Variants in ALPL observed in about 807,000 individuals in gnomAD.
ALPL encodes the protein alkaline phosphatase, tissue-nonspecific isozyme.
A neutral mutation model predicts 51.3 loss-of-function variants in ALPL; 42 were observed. That is an observed-to-expected ratio of 0.82 (90% CI 0.64 to 1.06). The LOEUF (loss-of-function observed/expected upper bound fraction) is 1.06. ALPL is among the 50% of genes least tolerant of loss of function. The pLI is 0.00. For synonymous variants in ALPL, 279 were observed against 296.4 expected, an observed-to-expected ratio of 0.94 and a Z score of 0.60; for missense variants, 589 against 709.4, an observed-to-expected ratio of 0.83 and a Z score of 1.93.
At chr1:21,576,042 G>A in intron 10 of ALPL, 118 bp downstream of exon 10, 1 of 1,262,760 alleles carries the variant, frequency 7.9e-7, no homozygotes, top group Non-Finnish European at 1.2e-6. Flanking sequence ...ATGACAACTG[G>A]GTGGGGAGGA....
intron 9 of ALPL, among the ~76,000 whole-genome samples, chr1:21,575,176 A>G (rs1415063178): frequency 6.6e-6 from 1 of 152,150 alleles, no homozygotes; most frequent in East Asian, 1.9e-4. Flanking sequence ...GGATGATTTG[A>G]GGTAGAGATG....
chr1:21,510,748 C>G (rs142780554), intron 1 of ALPL, among the ~76,000 whole-genome samples: 2 of 152,348 alleles, frequency 1.3e-5, no homozygotes, highest in African/African-American at 4.8e-5. Flanking sequence ...CCCGCTCTTC[C>G]TCCACTCTCC....
In ALPL at chr1:21,560,617, T is replaced by C. The variant is rs1178490330; in HGVS notation, c.62-9T>C. Reference sequence around the variant, plus strand: ...ACCCCGCCAAGTAACTGCCTCTCTCTGTGTTTAGAGAAAGAGAAAGACCCC... The same window carrying C: ...ACCCCGCCAAGTAACTGCCTCTCTCCGTGTTTAGAGAAAGAGAAAGACCCC... On this transcript the variant is annotated splice_polypyrimidine_tract_variant and intron_variant, in intron 2 of 11. Coordinates refer to ENST00000374840, the MANE Select transcript of ALPL (RefSeq NM_000478.6). 10 of 1,613,994 alleles carry C rather than the reference T, an allele frequency of 6.2e-6. No homozygotes were observed. Among genetic ancestry groups the C allele is most frequent in the Non-Finnish European group, 8.5e-6 (10 of 1,179,922 alleles).
chr1:21,540,077 C>A (rs985695818), intron 1 of ALPL, among the ~76,000 whole-genome samples: 1 of 152,152 alleles, frequency 6.6e-6, no homozygotes, highest in Non-Finnish European at 1.5e-5. Flanking sequence ...TGGCGAACAC[C>A]GCAGATGTAG....
chr1:21,558,407 C>A (rs1283168187), intron 2 of ALPL, among the ~76,000 whole-genome samples: 1 of 152,166 alleles, frequency 6.6e-6, no homozygotes, highest in African/African-American at 2.4e-5. Context: ...CCAACAGCAC[C>A]GTGGTGTGTT....
rs982120138 is a variant in ALPL, at chr1:21,576,708, G to A, written c.1309+67G>A. Reference sequence around the variant, plus strand: ...CCCTCGGGGATGGGCTTGGGAATAGGGTGTCAGCTTGTGGTCAAGGTCAGG... The same window carrying A: ...CCCTCGGGGATGGGCTTGGGAATAGAGTGTCAGCTTGTGGTCAAGGTCAGG... On this transcript the variant is annotated intron_variant, in intron 11 of 11. Coordinates refer to ENST00000374840, the MANE Select transcript of ALPL (RefSeq NM_000478.6). 73 of 1,599,846 alleles carry A rather than the reference G, an allele frequency of 4.6e-5. No individual in the cohort carries two copies. The Admixed American group carries it at 1.2e-3, about 27-fold the overall frequency.
chr1:21,542,676 T>C (rs1644202272), intron 1 of ALPL, among the ~76,000 whole-genome samples: 1 of 152,166 alleles, frequency 6.6e-6, no homozygotes, highest in African/African-American at 2.4e-5. Context: ...ACCCTGTCTC[T>C]ACTAAAAACA....
chr1:21,515,784 T>C (rs930892816), intron 1 of ALPL, among the ~76,000 whole-genome samples: 7 of 152,260 alleles, frequency 4.6e-5, no homozygotes, highest in Non-Finnish European at 8.8e-5. Flanking sequence ...GCTCTCAGGC[T>C]GACGTTCTCA....
upstream of ALPL, among the ~76,000 whole-genome samples, chr1:21,509,181 T>C (rs1383366513): frequency 6.6e-6 from 1 of 150,918 alleles, no homozygotes. The surrounding 1 kb of genome is among the most constrained non-coding windows in gnomAD (Gnocchi z 6.0). Context: ...AGACCGAGAG[T>C]GCGGGGCGGG....
At position 21,554,887 on chromosome 1, in the gene ALPL, TTTTC is replaced by T. The variant is rs752336026; in HGVS notation, c.61+763_61+766del. ...TTTCTTTCTTTCTCTCTTTCTTTCTTTTTCTTTCTTTCTTTCTTTCTCTTTTCTT... is the reference window on the plus strand; with the variant it reads ...TTTCTTTCTTTCTCTCTTTCTTTCTTTTTCTTTCTTTCTTTCTCTTTTCTT... On this transcript the variant is annotated intron_variant, in intron 2 of 11. Coordinates refer to ENST00000374840, the MANE Select transcript of ALPL (RefSeq NM_000478.6). 1.2e-3 allele frequency among the ~76,000 whole-genome samples: 166 copies of T among 133,354 alleles called. 4 individuals are homozygous for T. The highest frequency in any genetic ancestry group is 2.5e-3 in the African/African-American group (88 of 35,664). 87.5% of individuals were successfully genotyped at this position (133,354 alleles called of 152,430 possible).
In ALPL at chr1:21,568,254, T is replaced by C; in HGVS notation, c.792+7T>C. The C allele has an allele frequency of 3.7e-6, 6 of 1,613,950 alleles. No individual in the cohort carries two copies. Among genetic ancestry groups the C allele is most frequent in the Non-Finnish European group, 5.1e-6 (6 of 1,179,950 alleles). On this transcript the variant is annotated splice_region_variant and intron_variant, in intron 7 of 11. Transcript: ENST00000374840. ...CTTCAAACCGAGATACAAGGTAGCC[T>C]GTGCTGGGGCCATGTGGCTGCAGAG...
At chr1:21,548,775 C>T (rs1438378342) in intron 1 of ALPL, among the ~76,000 whole-genome samples, 1 of 152,156 alleles carries the variant, frequency 6.6e-6, no homozygotes, top group Non-Finnish European at 1.5e-5. Flanking sequence ...TCCCCACTGC[C>T]ATTCCCACAG....
intron 2 of ALPL, among the ~76,000 whole-genome samples, chr1:21,556,288 C>T (rs147751658): frequency 2.0e-5 from 3 of 152,284 alleles, no homozygotes; most frequent in Non-Finnish European, 2.9e-5. Context: ...TTTCTCTATC[C>T]CTTCCATAGC....
At chr1:21,563,720 G>A (rs1570275440) in intron 5 of ALPL, among the ~76,000 whole-genome samples, 1 of 152,322 alleles carries the variant, frequency 6.6e-6, no homozygotes, top group East Asian at 1.9e-4. Flanking sequence ...CCAACATACA[G>A]GTGACAGAGC....
chr1:21,564,112 G>A lies in ALPL; in HGVS notation c.544G>A (p.Ala182Thr). ...ATPSAAYAHS[A>T]DRDWYSDNEM... is the part of the protein sequence containing the mutation. ...CCCCAGCGCCGCCTACGCCCACTCG[G>A]CTGACCGGGACTGGTACTCAGACAA... The change falls in exon 6 of 12, where the codon GCT becomes ACT. Residue 182 changes from alanine to threonine, a missense_variant. Coordinates refer to ENST00000374840, the MANE Select transcript of ALPL (RefSeq NM_000478.6). This position sits in a 1 kb window ranked among gnomAD's most constrained non-coding sequence, Gnocchi z 5.8. 6.2e-7 allele frequency: 1 copy of A among 1,614,062 alleles called. No homozygotes were observed. The highest frequency in any genetic ancestry group is 8.5e-7 in the Non-Finnish European group (1 of 1,180,006).
At chr1:21,556,922 G>C (rs1644421440) in intron 2 of ALPL, among the ~76,000 whole-genome samples, 2 of 152,162 alleles carry the variant, frequency 1.3e-5, no homozygotes, top group African/African-American at 4.8e-5. Context: ...CTGGGCAACA[G>C]AGCAAGACTC....
chr1:21,531,029 G>A (rs1018899356), intron 1 of ALPL, among the ~76,000 whole-genome samples: 2 of 147,900 alleles, frequency 1.4e-5, no homozygotes, highest in African/African-American at 5.0e-5. Context: ...TGCAATCTTG[G>A]CTCAACCTCT....
At chr1:21,542,715 G>C (rs1389698710) in intron 1 of ALPL, among the ~76,000 whole-genome samples, 3 of 152,162 alleles carry the variant, frequency 2.0e-5, no homozygotes, top group Non-Finnish European at 4.4e-5. Context: ...TGGTGGGCCT[G>C]CAATCCCAGC....
chr1:21,539,878 G>A (rs1402404819), intron 1 of ALPL, among the ~76,000 whole-genome samples: 3 of 151,960 alleles, frequency 2.0e-5, no homozygotes, highest in African/African-American at 7.3e-5. Context: ...GGATGGTCTC[G>A]ATCTCCTGAC....
Sources: gnomAD v4.1 joint callset for allele counts (sites outside exome capture counted in the v4.1 genomes callset) on GRCh38, gnomAD v4.1.1 for gene constraint, Gnocchi (gnomAD v3.1) non-coding constraint, MANE v1.5 for transcripts, NCBI Gene and HGNC (gene_info 2026-07-23, HGNC 2026-07-21) for gene names.